DLC1: variants seen among roughly 807,000 people sequenced by gnomAD.
DLC1 encodes DLC1 Rho GTPase activating protein.
Under a neutral mutation model 140.3 loss-of-function variants are expected in DLC1, and 54 were observed. The observed-to-expected ratio is 0.38, with a 90% confidence interval of 0.31 to 0.48. The LOEUF (loss-of-function observed/expected upper bound fraction) is 0.48. DLC1 is among the 20% of genes least tolerant of loss of function. The pLI is 0.96. For missense variants in DLC1, 2,536 were observed against 1,907.0 expected (o/e 1.33, Z -6.14); for synonymous variants, 986 against 728.1 (o/e 1.35, Z -5.70).
intron 6 of DLC1, among the ~76,000 whole-genome samples, chr8:13,114,224 T>C (rs1338301977): frequency 1.3e-5 from 2 of 152,102 alleles, no homozygotes; most frequent in African/African-American, 4.8e-5. Context: ...TGGCCGGGCA[T>C]GGTGGCACAT....
intron 5 of DLC1, among the ~76,000 whole-genome samples, chr8:13,252,675 C>G (rs1012691586): frequency 6.6e-6 from 1 of 152,036 alleles, no homozygotes; most frequent in Non-Finnish European, 1.5e-5. Flanking sequence ...GGATATATAA[C>G]CTGGAGTTTA....
intron 5 of DLC1, among the ~76,000 whole-genome samples, chr8:13,266,446 G>A (rs1053413427): frequency 1.3e-5 from 2 of 152,088 alleles, no homozygotes; most frequent in African/African-American, 4.8e-5. Flanking sequence ...AGTTCTGGCT[G>A]TTAAGAAAGC....
intron 5 of DLC1, among the ~76,000 whole-genome samples, chr8:13,230,573 T>C (rs902042191): frequency 4.0e-5 from 6 of 151,740 alleles, no homozygotes; most frequent in Non-Finnish European, 5.9e-5. Flanking sequence ...CAGATAGATA[T>C]AGATTTTTTC....
intron 2 of DLC1, among the ~76,000 whole-genome samples, chr8:13,424,564 C>T (rs1401333831): frequency 6.6e-6 from 1 of 151,832 alleles, no homozygotes; most frequent in Non-Finnish European, 1.5e-5. Flanking sequence ...GCTGTTGGTC[C>T]AAAATTTGTA....
Position 13,303,707 on chromosome 8 carries a change from C to G in DLC1, c.1348+1562G>C, listed in dbSNP as rs185846632. 2.6e-5 allele frequency among the ~76,000 whole-genome samples: 4 copies of G among 152,154 alleles called. No individual in the cohort carries two copies. The East Asian group carries it at 7.7e-4, about 29-fold the overall frequency. On this transcript the variant is annotated intron_variant, in intron 5 of 17. Transcript: ENST00000276297. Reference sequence around the variant, plus strand: ...ATCCCAGCTACTCAGGAGGCTGAGGCAGGAGAATGGCTTGAATCTGGGAGG... The same window carrying G: ...ATCCCAGCTACTCAGGAGGCTGAGGGAGGAGAATGGCTTGAATCTGGGAGG...
intron 3 of DLC1, among the ~76,000 whole-genome samples, chr8:13,394,067 A>G (rs1248398525): frequency 6.6e-6 from 1 of 152,150 alleles, no homozygotes; most frequent in Non-Finnish European, 1.5e-5. Context: ...TCCTCTGACT[A>G]TACAGCGCTG....
At chr8:13,098,770 C>G (rs113621181) in intron 9 of DLC1, among the ~76,000 whole-genome samples, 195 bp from the exon 10 acceptor site, 7 of 152,304 alleles carry the variant, frequency 4.6e-5, no homozygotes, top group African/African-American at 1.7e-4. Flanking sequence ...CCTGTGCCAC[C>G]ACATCTGACT....
intron 5 of DLC1, among the ~76,000 whole-genome samples, chr8:13,143,778 C>T (rs1213520778): frequency 6.7e-6 from 1 of 149,510 alleles, no homozygotes; most frequent in Non-Finnish European, 1.5e-5. Flanking sequence ...TTTGGTTGCC[C>T]TGAGGCCCTG....
intron 5 of DLC1, among the ~76,000 whole-genome samples, chr8:13,244,920 C>G (rs138071334): frequency 6.6e-6 from 1 of 152,186 alleles, no homozygotes; most frequent in Non-Finnish European, 1.5e-5. Flanking sequence ...TTATACTATG[C>G]CAACATTTTG....
At chr8:13,312,175 C>A (rs888424138) in intron 4 of DLC1, among the ~76,000 whole-genome samples, 2 of 130,052 alleles carry the variant, frequency 1.5e-5, no homozygotes, top group African/African-American at 5.9e-5. Context: ...TCCTGGCTAA[C>A]ACGGTGAAAC....
chr8:13,419,181 G>C (rs9771618), intron 2 of DLC1, among the ~76,000 whole-genome samples: 12,858 of 151,834 alleles, frequency 0.085, 741 homozygotes, highest in Middle Eastern at 0.15. Flanking sequence ...TTGACTTCCT[G>C]TTTTCCTAAT....
chr8:13,321,492 C>A (rs977085980), intron 4 of DLC1, among the ~76,000 whole-genome samples: 1 of 131,106 alleles, frequency 7.6e-6, no homozygotes, highest in Non-Finnish European at 1.5e-5. Flanking sequence ...GAGCTGAGAT[C>A]GCACCACTGC....
chr8:13,497,960 CCA>C (rs1328630172), intron 2 of DLC1, among the ~76,000 whole-genome samples: 1 of 152,068 alleles, frequency 6.6e-6, no homozygotes, highest in African/African-American at 2.4e-5. Flanking sequence ...GTAAGCAAAA[CCA>C]CAGTCTATGA....
Position 13,090,185 on chromosome 8 carries a change from G to A in DLC1, c.4074+67C>T, listed in dbSNP as rs568654920. ...CAGACAGATTAGTTGGCAAAAGCGT[G>A]TTATCTCTGATGGACCCAAGCTTCG... On this transcript the variant is annotated intron_variant, in intron 15 of 17. Transcript: ENST00000276297. The A allele has an allele frequency of 7.4e-6, 11 of 1,479,528 alleles. No individual in the cohort carries two copies. The Admixed American group carries it at 1.9e-4, about 25-fold the overall frequency. 91.7% of individuals were successfully genotyped at this position (1,479,528 alleles called of 1,614,324 possible).
intron 1 of DLC1, among the ~76,000 whole-genome samples, chr8:13,507,578 G>A (rs1376644026): frequency 6.6e-6 from 1 of 152,128 alleles, no homozygotes; most frequent in Non-Finnish European, 1.5e-5. Flanking sequence ...AGCAATATGT[G>A]TCTTAATCCC....
rs1801657496 is a variant in DLC1 at position 13,499,248 on chromosome 8, C to G, written c.824G>C (p.Gly275Ala). Residue 275 changes from glycine to alanine, a missense_variant, in exon 2 of 18, where the codon GGA becomes GCA. Physicochemically the swap from Gly to Ala is moderately conservative, Grantham distance 60 (BLOSUM62 0). Transcript: ENST00000276297. Reference protein sequence around the residue: ...RGLPLLKTDFGSCLLQPPSCP... With the variant: ...RGLPLLKTDFASCLLQPPSCP... ...GGAAGGAGGCTGCAGAAGGCAGCTT[C>G]CAAAATCTGTTTTTAATAATGGCAG... 1 of 1,614,174 alleles carries G rather than the reference C, an allele frequency of 6.2e-7. No individual in the cohort carries two copies. Among genetic ancestry groups the G allele is most frequent in the African/African-American group, 1.3e-5 (1 of 75,050 alleles).
Position 13,192,533 on chromosome 8 carries a change from C to G in DLC1, c.1349-76876G>C, listed in dbSNP as rs186997812. On this transcript the variant is annotated intron_variant, in intron 5 of 17. Transcript: ENST00000276297. ...ACACAGCTTCTCCTCTCCCCCAGCACTGCAAATCCTCACACTCACAGCAAC... is the reference window on the plus strand; with the variant it reads ...ACACAGCTTCTCCTCTCCCCCAGCAGTGCAAATCCTCACACTCACAGCAAC... Among the ~76,000 whole-genome samples, 3 of 152,292 alleles carry G rather than the reference C, an allele frequency of 2.0e-5. No individual in the cohort carries two copies. In the East Asian group the frequency reaches 5.8e-4, roughly 29 times the overall value.
At chr8:13,297,282 T>TGAAAAAAAAAAAAAAAAAAACAAAAA (rs1831993666) in intron 5 of DLC1, among the ~76,000 whole-genome samples, 1 of 9,638 alleles carries the variant, frequency 1.0e-4, no homozygotes, top group African/African-American at 3.6e-4. Flanking sequence ...CTTCATACAT[T>TGAAAAAAAAAAAAAAAAAAACAAAAA]AAAAAAAAAA....
chr8:13,287,420 A>G (rs1460154123), intron 5 of DLC1, among the ~76,000 whole-genome samples: 1 of 152,160 alleles, frequency 6.6e-6, no homozygotes, highest in Non-Finnish European at 1.5e-5. Context: ...ATATTTTAAA[A>G]CAGTACGGGT....
Sources: allele counts gnomAD v4.1 joint callset (sites outside exome capture counted in the v4.1 genomes callset), GRCh38; gene constraint gnomAD v4.1.1; transcripts MANE v1.5; gene names NCBI Gene and HGNC (gene_info 2026-07-23, HGNC 2026-07-21).